IRX6: variants seen among roughly 807,000 people sequenced by gnomAD.
IRX6 encodes the protein iroquois homeobox 6.
A neutral mutation model predicts 47.7 loss-of-function variants in IRX6; 46 were observed. The observed-to-expected ratio is 0.96, with a 90% CI of 0.76 to 1.23. IRX6 has a LOEUF of 1.23. IRX6 is among the 50% of genes most tolerant of loss of function. The pLI, the probability that IRX6 is intolerant of heterozygous loss-of-function variation, is 0.00. For missense variants in IRX6, 722 were observed against 588.0 expected, an observed-to-expected ratio of 1.23 and a Z score of -2.36; for synonymous variants, 265 against 246.2, an observed-to-expected ratio of 1.08 and a Z score of -0.72.
intron 4 of IRX6, among the ~76,000 whole-genome samples, chr16:55,328,464 G>A (rs116563840): frequency 6.6e-6 from 1 of 151,928 alleles, no homozygotes; most frequent in Non-Finnish European, 1.5e-5. Flanking sequence ...GGCACTGCTC[G>A]CTAGAGGAGG....
At chr16:55,329,342 C>G (rs938558832) in intron 5 of IRX6, 31 bp downstream of exon 5, 146 of 1,570,400 alleles carry the variant, frequency 9.3e-5, no homozygotes, top group Non-Finnish European at 1.2e-4. Flanking sequence ...CTGGGAGTAT[C>G]TATGCAAAAG....
chr16:55,328,325 C>T (rs1478359619), intron 4 of IRX6, among the ~76,000 whole-genome samples: 1 of 152,178 alleles, frequency 6.6e-6, no homozygotes, highest in African/African-American at 2.4e-5. Context: ...TAAATATTTG[C>T]TGAATTAAAT....
At position 55,330,402 on chromosome 16, in the gene IRX6, G is replaced by C; in HGVS notation, c.*97G>C. The C allele has an allele frequency of 8.2e-7, 1 of 1,212,192 alleles. No individual in the cohort carries two copies. Among genetic ancestry groups the C allele is most frequent in the Non-Finnish European group, 1.2e-6 (1 of 813,962 alleles). The allele number at this position is 1,212,192 out of a possible 1,614,324, so 75.1% of individuals were successfully genotyped here. A position where few individuals can be genotyped will look rare whatever the true frequency, so the allele number is the denominator to read the frequency against. On this transcript the variant is annotated 3_prime_UTR_variant, in exon 6 of 6. Coordinates refer to ENST00000290552, the MANE Select transcript of IRX6 (RefSeq NM_024335.3). ...AGCTGCCAGACCTTGCCAGGGACCA[G>C]GAGCTCTCACTTTGCCTAAGAGACA... is the stretch of plus-strand genomic sequence containing the variant.
At chr16:55,330,186 A>G in intron 5 of IRX6, 112 bp from the exon 6 acceptor site, 1 of 912,322 alleles carries the variant, frequency 1.1e-6, no homozygotes, top group Non-Finnish European at 1.8e-6. Flanking sequence ...CTGGCAAGCT[A>G]ATTGCCTCTA....
Position 55,330,370 on chromosome 16 carries a change from G to T in IRX6, c.*65G>T. The T allele has an allele frequency of 1.3e-6, 2 of 1,544,150 alleles. No individual in the cohort carries two copies. The highest frequency in any genetic ancestry group is 1.8e-6 in the Non-Finnish European group (2 of 1,116,288). Reference sequence around the variant, plus strand: ...CCCCACGTTTCGAATTCATCTCCAGGTTAAGAAGCTGCCAGACCTTGCCAG... The same window carrying T: ...CCCCACGTTTCGAATTCATCTCCAGTTTAAGAAGCTGCCAGACCTTGCCAG... On this transcript the variant is annotated 3_prime_UTR_variant, in exon 6 of 6. Coordinates refer to ENST00000290552, the MANE Select transcript of IRX6 (RefSeq NM_024335.3).
rs1256409508 is a variant in IRX6 at position 55,326,463 on chromosome 16, G to C, written c.173G>C (p.Gly58Ala). 1.1e-5 allele frequency: 17 copies of C among 1,613,594 alleles called. No individual in the cohort carries two copies. The highest frequency in any genetic ancestry group is 1.4e-5 in the Non-Finnish European group (17 of 1,180,014). ...GCACCCTACGATAGTCGACTGCTGG[G>C]CAGTGCGCGACCGGAGCTGGGCGCC... is the stretch of plus-strand genomic sequence containing the variant. ...CCAPYDSRLL[G>A]SARPELGAAL... The change falls in exon 2 of 6, where the codon GGC becomes GCC. Residue 58 changes from glycine (G) to alanine (A), a missense_variant. Gly to Ala is a moderately conservative substitution (Grantham distance 60, BLOSUM62 0). Coordinates refer to ENST00000290552, the MANE Select transcript of IRX6 (RefSeq NM_024335.3).
chr16:55,330,039 C>T (rs1392198622), intron 5 of IRX6, among the ~76,000 whole-genome samples: 2 of 152,222 alleles, frequency 1.3e-5, no homozygotes, highest in African/African-American at 4.8e-5. Context: ...AAGGGACATT[C>T]CCCAAGCATG....
chr16:55,325,516 AAGGAAGGAAGGAAG>A (rs1960496918), intron 1 of IRX6, among the ~76,000 whole-genome samples: 1 of 29,556 alleles, frequency 3.4e-5, no homozygotes, highest in African/African-American at 2.0e-4. Flanking sequence ...GGAAGGAAGG[AAGGAAGGAAGGAAG>A]GAGAGAGAGA....
Position 55,328,885 on chromosome 16 carries a change from C to G in IRX6, c.907C>G (p.Arg303Gly), listed in dbSNP as rs749963245. 3 of 1,613,016 alleles carry G rather than the reference C, an allele frequency of 1.9e-6. No homozygotes were observed. The highest frequency in any genetic ancestry group is 1.7e-6 in the Non-Finnish European group (2 of 1,179,956). ...PGPCAAAREG[R>G]LERRECGLAA... ...GCCGTGCGCTGCAGCTCGAGAGGGCCGATTGGAGCGCAGGGAGTGCGGCCT... is the reference window on the plus strand; with the variant it reads ...GCCGTGCGCTGCAGCTCGAGAGGGCGGATTGGAGCGCAGGGAGTGCGGCCT... Residue 303 changes from arginine to glycine, a missense_variant, in exon 5 of 6, where the codon CGA becomes GGA. By Grantham distance (125) the Arg-to-Gly change is moderately radical (BLOSUM62 -2). Coordinates refer to ENST00000290552, the MANE Select transcript of IRX6 (RefSeq NM_024335.3).
intron 4 of IRX6, 69 bp from the exon 5 acceptor site, chr16:55,328,631 G>C: frequency 2.0e-6 from 3 of 1,526,094 alleles, no homozygotes; most frequent in Non-Finnish European, 2.7e-6. Flanking sequence ...AAAGCTTCTC[G>C]GGGATGGACA....
rs199711525 is a variant in IRX6 at position 55,329,036 on chromosome 16, C to A, written c.1058C>A (p.Ser353Tyr). The change falls in exon 5 of 6, where the codon TCT (serine) becomes TAT (tyrosine). Residue 353 changes from serine (S) to tyrosine (Y), a missense_variant. Physicochemically the swap from Ser to Tyr is moderately radical, Grantham distance 144. Transcript: ENST00000290552. Reference protein sequence around the residue: ...YPCLEKPRIWSLAHTATASAV... With the variant: ...YPCLEKPRIWYLAHTATASAV... ...TGCTTGGAGAAACCGCGCATCTGGT[C>A]TCTGGCGCACACCGCGACAGCCAGC... 6.2e-7 allele frequency: 1 copy of A among 1,613,976 alleles called. No individual in the cohort carries two copies. Among genetic ancestry groups the A allele is most frequent in the East Asian group, 2.2e-5 (1 of 44,870 alleles).
intron 4 of IRX6, 145 bp from the exon 5 acceptor site, chr16:55,328,555 A>C: frequency 1.2e-6 from 1 of 831,866 alleles, no homozygotes; most frequent in Non-Finnish European, 1.9e-6. Flanking sequence ...GGCAAATGCA[A>C]GGGGTGGTAC....
Position 55,329,243 on chromosome 16 carries a change from T to C in IRX6, c.1265T>C (p.Leu422Pro), listed in dbSNP as rs1009330691. ...NPKFALQGLPLNCAPCPRRSE... is the reference protein window; with the variant it reads ...NPKFALQGLPPNCAPCPRRSE... ...AAGTTTGCCCTGCAGGGACTACCGC[T>C]GAACTGTGCGCCGTGCCCGCGGAGG... Residue 422 changes from leucine (L) to proline (P), a missense_variant, in exon 5 of 6, where the codon CTG (leucine) becomes CCG (proline). Transcript: ENST00000290552. The C allele has an allele frequency of 7.4e-6, 12 of 1,613,668 alleles. No individual in the cohort carries two copies. Among genetic ancestry groups the C allele is most frequent in the African/African-American group, 1.3e-5 (1 of 74,940 alleles).
Position 55,326,450 on chromosome 16 carries a change from A to G in IRX6, c.160A>G (p.Ser54Gly). ...APALCCAPYDSRLLGSARPEL... is the reference protein window; with the variant it reads ...APALCCAPYDGRLLGSARPEL... ...CGCTCTCTGCTGCGCACCCTACGAT[A>G]GTCGACTGCTGGGCAGTGCGCGACC... The change falls in exon 2 of 6, where the codon AGT becomes GGT. Residue 54 changes from serine to glycine, a missense_variant. Coordinates refer to ENST00000290552, the MANE Select transcript of IRX6 (RefSeq NM_024335.3). 6.2e-7 allele frequency: 1 copy of G among 1,613,852 alleles called. No homozygotes were observed. Among genetic ancestry groups the G allele is most frequent in the South Asian group, 1.1e-5 (1 of 91,070 alleles).
At chr16:55,327,016 A>G (rs1262482691) in intron 2 of IRX6, 8 of 428,364 alleles carry the variant, frequency 1.9e-5, no homozygotes, top group African/African-American at 9.9e-5. Context: ...TACAGTAATA[A>G]CAGCAGCTAA....
chr16:55,329,437 T>C, intron 5 of IRX6, 126 bp downstream of exon 5: 1 of 1,228,156 alleles, frequency 8.1e-7, no homozygotes, highest in East Asian at 2.5e-5. Context: ...GACGGGAGAT[T>C]GCTTTACAGC....
At chr16:55,329,414 C>T (rs1247654060) in intron 5 of IRX6, 103 bp downstream of exon 5, 1 of 1,425,952 alleles carries the variant, frequency 7.0e-7, no homozygotes, top group East Asian at 2.4e-5. Flanking sequence ...CTGCCCAGGT[C>T]TCCCACAGAA....
rs1960548003 is a variant in IRX6, at chr16:55,327,304, G to A, written c.312G>A (p.Gln104=). ...PPSLYGALNP[Q]YEFKEAAGSF... is the part of the protein sequence containing the mutation. The stretch of plus-strand genomic sequence containing the variant: ...TTTTCCTCTCCCTCTAGAATCCACA[G>A]TATGAATTTAAGGAGGCTGCAGGGA... The change falls in exon 3 of 6, where the codon CAG becomes CAA. Residue 104 remains glutamine, a synonymous_variant. Coordinates refer to ENST00000290552, the MANE Select transcript of IRX6 (RefSeq NM_024335.3). 1.2e-6 allele frequency: 2 copies of A among 1,612,360 alleles called. No individual in the cohort carries two copies. Among genetic ancestry groups the A allele is most frequent in the East Asian group, 2.2e-5 (1 of 44,858 alleles).
intron 2 of IRX6, chr16:55,327,040 C>T (rs1243564867): frequency 2.1e-6 from 1 of 470,830 alleles, no homozygotes; most frequent in Non-Finnish European, 3.8e-6. Context: ...TTAACTACTG[C>T]TTATTCTGCA....
Sources: allele counts gnomAD v4.1 joint callset (sites outside exome capture counted in the v4.1 genomes callset), GRCh38; gene constraint gnomAD v4.1.1; transcripts MANE v1.5; gene names NCBI Gene and HGNC (gene_info 2026-07-23, HGNC 2026-07-21).